Variants in ADGRL3 observed in about 807,000 individuals in gnomAD.
ADGRL3 encodes the protein adhesion G protein-coupled receptor L3.
In ADGRL3, 62 loss-of-function variants were observed where a neutral mutation model predicts 153.5. The observed-to-expected ratio is 0.40, with a 90% confidence interval of 0.33 to 0.50. ADGRL3 has a LOEUF of 0.50. Among genes scored for constraint, ADGRL3 ranks in the 20% least tolerant of loss-of-function variants. The pLI, the probability that ADGRL3 is intolerant of heterozygous loss-of-function variation, is 0.47. For missense variants in ADGRL3, 1,641 were observed against 1,859.4 expected (o/e 0.88, Z 2.16); for synonymous variants, 710 against 672.5 (o/e 1.06, Z -0.86).
chr4:61,445,431 G>A (rs1446241680), intron 2 of ADGRL3, among the ~76,000 whole-genome samples: 1 of 152,180 alleles, frequency 6.6e-6, no homozygotes, highest in Non-Finnish European at 1.5e-5. Flanking sequence ...ACAAAAGGAA[G>A]TCACAGGAAG....
chr4:61,893,157 CTT>C (rs2098602075), intron 10 of ADGRL3, among the ~76,000 whole-genome samples, 199 bp downstream of exon 10: 1 of 143,896 alleles, frequency 6.9e-6, no homozygotes, highest in Non-Finnish European at 1.5e-5. Flanking sequence ...TTTCTTTCCT[CTT>C]TCTTTTTTTT....
chr4:61,920,826 A>G (rs2149974044), intron 13 of ADGRL3, among the ~76,000 whole-genome samples: 1 of 152,282 alleles, frequency 6.6e-6, no homozygotes, highest in South Asian at 2.1e-4. Flanking sequence ...ACTATTCCTT[A>G]TTATATCTTA....
intron 9 of ADGRL3, among the ~76,000 whole-genome samples, chr4:61,826,806 T>C (rs2097806831): frequency 6.7e-6 from 1 of 149,870 alleles, no homozygotes; most frequent in African/African-American, 2.4e-5. Context: ...TTAGGAGATA[T>C]ACCTAATGTA....
intron 5 of ADGRL3, among the ~76,000 whole-genome samples, chr4:61,640,788 T>A (rs2093630610): frequency 6.6e-6 from 1 of 152,206 alleles, no homozygotes; most frequent in Non-Finnish European, 1.5e-5. Flanking sequence ...CATTCTTGAG[T>A]GCTGCTTGGA....
At chr4:61,477,965 A>C (rs2098085693) in intron 2 of ADGRL3, among the ~76,000 whole-genome samples, 1 of 152,084 alleles carries the variant, frequency 6.6e-6, no homozygotes, top group Non-Finnish European at 1.5e-5. Flanking sequence ...TAGTTCTGAA[A>C]CATTGTGATT....
chr4:61,558,930 C>A (rs1184730904), intron 4 of ADGRL3, among the ~76,000 whole-genome samples: 1 of 151,938 alleles, frequency 6.6e-6, no homozygotes, highest in Admixed American at 6.6e-5. Flanking sequence ...CTTCCTAAGT[C>A]GTTTTTTTCC....
At chr4:61,879,908 C>T (rs1392920715) in intron 9 of ADGRL3, among the ~76,000 whole-genome samples, 2 of 151,764 alleles carry the variant, frequency 1.3e-5, no homozygotes, top group African/African-American at 4.8e-5. Flanking sequence ...ATTTTTAGTA[C>T]AGACAGGGGG....
chr4:61,983,803 G>A (rs901316534), intron 19 of ADGRL3, among the ~76,000 whole-genome samples, 200 bp downstream of exon 19: 3 of 152,164 alleles, frequency 2.0e-5, no homozygotes, highest in Non-Finnish European at 4.4e-5. Flanking sequence ...TTTTAAAACA[G>A]CGTAATTTTT....
chr4:61,887,901 A>C (rs1161250904), intron 9 of ADGRL3, among the ~76,000 whole-genome samples: 1 of 152,212 alleles, frequency 6.6e-6, no homozygotes, highest in Non-Finnish European at 1.5e-5. Flanking sequence ...GAACTTTACA[A>C]GTATTTATTT....
At chr4:62,055,799 G>C (rs1466759960) in intron 25 of ADGRL3, among the ~76,000 whole-genome samples, 1 of 151,346 alleles carries the variant, frequency 6.6e-6, no homozygotes, top group African/African-American at 2.4e-5. Context: ...ATATTGTTTT[G>C]CTACACCAAA....
At chr4:61,870,914 C>G (rs2098439889) in intron 9 of ADGRL3, among the ~76,000 whole-genome samples, 1 of 152,110 alleles carries the variant, frequency 6.6e-6, no homozygotes, top group Non-Finnish European at 1.5e-5. Context: ...CATAGCATTA[C>G]CAGATGACCC....
chr4:62,008,727 A>ATG (rs1437178827), intron 21 of ADGRL3, among the ~76,000 whole-genome samples: 1 of 151,478 alleles, frequency 6.6e-6, no homozygotes, highest in East Asian at 1.9e-4. Context: ...GTATATATGC[A>ATG]TGTGTGTGTA....
intron 9 of ADGRL3, among the ~76,000 whole-genome samples, chr4:61,846,948 A>ATGTG (rs72301670): frequency 1.4e-4 from 21 of 145,912 alleles, no homozygotes; most frequent in African/African-American, 4.4e-4. Flanking sequence ...TTTATATATT[A>ATGTG]TGTGTGTGTG....
Position 62,075,410 on chromosome 4 carries a change from A to T in ADGRL3, c.*4502A>T, listed in dbSNP as rs1746832940. The T allele has an allele frequency of 6.6e-6, 1 of 152,178 alleles. No homozygotes were observed. Among genetic ancestry groups the T allele is most frequent in the South Asian group, 2.1e-4 (1 of 4,834 alleles). 9.4% of individuals were successfully genotyped at this position (152,178 alleles called of 1,614,324 possible). On this transcript the variant is annotated 3_prime_UTR_variant, in exon 27 of 27. Coordinates refer to ENST00000683033, the MANE Select transcript of ADGRL3 (RefSeq NM_001387552.1). ...ACAGAAGTATAATGCATGTCAATTC[A>T]GATTTAGAGAGTGTAAAAAACAAAA...
chr4:61,642,779 T>G (rs1165747182), intron 5 of ADGRL3, among the ~76,000 whole-genome samples: 3 of 152,190 alleles, frequency 2.0e-5, no homozygotes, highest in African/African-American at 7.2e-5. Flanking sequence ...GGGCTCTTTT[T>G]TGGTTCCATA....
chr4:61,975,230 G>T (rs112327619), intron 17 of ADGRL3, among the ~76,000 whole-genome samples: 1 of 152,144 alleles, frequency 6.6e-6, no homozygotes, highest in African/African-American at 2.4e-5. Context: ...TACGGAAAAG[G>T]GGTCTGTATT....
At chr4:61,247,360 A>T (rs1381458517) in intron 1 of ADGRL3, among the ~76,000 whole-genome samples, 1 of 152,060 alleles carries the variant, frequency 6.6e-6, no homozygotes, top group Non-Finnish European at 1.5e-5. Context: ...GATATATGTG[A>T]TAATTCTTGT....
chr4:61,577,227 G>A (rs903331272), intron 4 of ADGRL3, among the ~76,000 whole-genome samples: 8 of 147,174 alleles, frequency 5.4e-5, no homozygotes, highest in African/African-American at 2.0e-4. Context: ...AAATGGGGGG[G>A]GGATGAGGGA....
At chr4:61,401,234 A>T (rs2096926835) in intron 2 of ADGRL3, among the ~76,000 whole-genome samples, 1 of 151,964 alleles carries the variant, frequency 6.6e-6, no homozygotes, top group African/African-American at 2.4e-5. Flanking sequence ...GCAACAAATT[A>T]TACTGATTAA....
Sources: gnomAD v4.1 joint callset for allele counts (sites outside exome capture counted in the v4.1 genomes callset) on GRCh38, gnomAD v4.1.1 for gene constraint, MANE v1.5 for transcripts, NCBI Gene and HGNC (gene_info 2026-07-23, HGNC 2026-07-21) for gene names.